GPAT3: variants seen among roughly 807,000 people sequenced by gnomAD.
The protein encoded by GPAT3 is 1-AGP acyltransferase 9.
GPAT3 carries 53 observed loss-of-function variants against 58.8 expected under a neutral mutation model. That is an observed-to-expected ratio of 0.90 (90% CI 0.72 to 1.13). The LOEUF is 1.13. Ranked by LOEUF, GPAT3 falls within the 50% of genes most tolerant of loss-of-function variation. The probability of loss-of-function intolerance (pLI) is 0.00; values close to 1 mark genes in which losing one functional copy is unlikely to be tolerated. For synonymous variants in GPAT3, 197 were observed against 187.4 expected (o/e 1.05, Z -0.42); for missense variants, 511 against 527.6 (o/e 0.97, Z 0.31).
intron 10 of GPAT3, 156 bp from the exon 11 acceptor site, chr4:83,598,488 T>C (rs1726932460): frequency 2.5e-6 from 2 of 787,506 alleles, no homozygotes; most frequent in Non-Finnish European, 4.2e-6. Flanking sequence ...ATTTTCTTTA[T>C]AGAACAAATG....
rs113323142 is a variant in GPAT3 at position 83,595,713 on chromosome 4, T to TAA, written c.854+764_854+765dup. On this transcript the variant is annotated intron_variant, in intron 7 of 11. Coordinates refer to ENST00000264409, the MANE Select transcript of GPAT3 (RefSeq NM_032717.5). ...TAGGCAACAGGGGGAGACCTTGTCT[T>TAA]AAAAAAAAAAAAGAAGATCCAGCTA... Among the ~76,000 whole-genome samples, 532 of 143,730 alleles carry TAA rather than the reference T, an allele frequency of 3.7e-3. 4 individuals carry two copies. Among genetic ancestry groups the TAA allele is most frequent in the African/African-American group, 0.013 (503 of 39,320 alleles). The allele number at this position is 143,730 out of a possible 152,430, so 94.3% of individuals were successfully genotyped here.
At chr4:83,592,482 C>T (rs139679473) in intron 6 of GPAT3, among the ~76,000 whole-genome samples, 2 of 152,154 alleles carry the variant, frequency 1.3e-5, no homozygotes, top group African/African-American at 4.8e-5. Context: ...AAGAAATCTA[C>T]TGTTTAATTG....
intron 1 of GPAT3, among the ~76,000 whole-genome samples, chr4:83,543,059 G>A (rs766786359): frequency 1.3e-5 from 2 of 152,264 alleles, no homozygotes; most frequent in Non-Finnish European, 1.5e-5. Context: ...CCAGCACTTT[G>A]GGAGGCTGAA....
At chr4:83,580,965 G>A (rs1038911447) in intron 2 of GPAT3, among the ~76,000 whole-genome samples, 5 of 151,808 alleles carry the variant, frequency 3.3e-5, no homozygotes, top group African/African-American at 7.2e-5. Flanking sequence ...CTGTGGTGGC[G>A]GGTGCCTGTA....
rs1727220153 is a variant in GPAT3, at chr4:83,605,476, ACCTAGTACCC to A, written c.*711_*720del. The A allele has an allele frequency of 6.6e-6, 1 of 152,276 alleles. No homozygotes were observed. The highest frequency in any genetic ancestry group is 1.5e-5 in the Non-Finnish European group (1 of 68,012). The allele number at this position is 152,276 out of a possible 1,614,324, so 9.4% of individuals were successfully genotyped here. A position where few individuals can be genotyped will look rare whatever the true frequency, so the allele number is the denominator to read the frequency against. Reference sequence around the variant, plus strand: ...CCTTGTTTGAATGCTGTAGATCTGTACCTAGTACCCCTCCCATCTACTGATTTGTTTGTTT... The same window carrying A: ...CCTTGTTTGAATGCTGTAGATCTGTACTCCCATCTACTGATTTGTTTGTTT... On this transcript the variant is annotated 3_prime_UTR_variant, in exon 12 of 12. Coordinates refer to ENST00000264409, the MANE Select transcript of GPAT3 (RefSeq NM_032717.5).
intron 1 of GPAT3, among the ~76,000 whole-genome samples, chr4:83,537,625 G>GTGTGTGTGTGTGTA (rs138199995): frequency 5.4e-5 from 8 of 147,694 alleles, no homozygotes; most frequent in African/African-American, 2.0e-4. Context: ...GTGTGTGTGT[G>GTGTGTGTGTGTGTA]TATATTTAAC....
At chr4:83,598,949 C>T (rs1262325809) in intron 11 of GPAT3, among the ~76,000 whole-genome samples, 5 of 151,170 alleles carry the variant, frequency 3.3e-5, no homozygotes, top group Admixed American at 1.3e-4. Context: ...GCCACTATGC[C>T]CAGCTATTTT....
chr4:83,585,974 A>T (rs935501177), intron 3 of GPAT3, among the ~76,000 whole-genome samples: 1 of 149,268 alleles, frequency 6.7e-6, no homozygotes, highest in Non-Finnish European at 1.5e-5. Flanking sequence ...TGAATTCTGG[A>T]GCCCTGGGTT....
At chr4:83,596,392 G>A (rs1177964569) in intron 7 of GPAT3, among the ~76,000 whole-genome samples, 1 of 152,134 alleles carries the variant, frequency 6.6e-6, no homozygotes, top group Admixed American at 6.5e-5. Flanking sequence ...AGGTTGAGGC[G>A]GGTGGATCGC....
chr4:83,583,938 C>G (rs1473342333), intron 3 of GPAT3, among the ~76,000 whole-genome samples: 2 of 151,982 alleles, frequency 1.3e-5, no homozygotes, highest in Admixed American at 1.3e-4. Context: ...GTATTCCAGC[C>G]TGGGTGACAG....
At chr4:83,590,549 T>G (rs1726557357) in intron 6 of GPAT3, among the ~76,000 whole-genome samples, 1 of 152,228 alleles carries the variant, frequency 6.6e-6, no homozygotes, top group Non-Finnish European at 1.5e-5. Context: ...AATAGGACCT[T>G]GTAAAGTTGA....
chr4:83,546,510 T>C (rs1724518082), intron 2 of GPAT3, among the ~76,000 whole-genome samples: 2 of 152,228 alleles, frequency 1.3e-5, no homozygotes, highest in South Asian at 2.1e-4. Flanking sequence ...TTTTCTATGG[T>C]GTCTCCAGGA....
At chr4:83,549,601 T>C (rs1724675871) in intron 2 of GPAT3, among the ~76,000 whole-genome samples, 1 of 150,292 alleles carries the variant, frequency 6.7e-6, no homozygotes, top group Non-Finnish European at 1.5e-5. Flanking sequence ...GGGGCAATCT[T>C]GGCTCACTGC....
At chr4:83,598,565 C>A in intron 10 of GPAT3, 79 bp from the exon 11 acceptor site, 1 of 1,169,484 alleles carries the variant, frequency 8.6e-7, no homozygotes, top group Non-Finnish European at 1.3e-6. Context: ...TATTTTAAAA[C>A]AAATACAAAT....
intron 3 of GPAT3, among the ~76,000 whole-genome samples, 162 bp from the exon 4 acceptor site, chr4:83,587,093 G>A (rs544922537): frequency 3.3e-5 from 5 of 152,128 alleles, no homozygotes; most frequent in Admixed American, 6.5e-5. Context: ...ACATTCTTCC[G>A]TGTTAGATCT....
At chr4:83,552,919 T>C (rs1212296153) in intron 2 of GPAT3, among the ~76,000 whole-genome samples, 2 of 152,124 alleles carry the variant, frequency 1.3e-5, no homozygotes, top group Non-Finnish European at 2.9e-5. Context: ...TCTAGCCCCT[T>C]CCATCATGTG....
intron 2 of GPAT3, among the ~76,000 whole-genome samples, chr4:83,552,266 G>A (rs1724783651): frequency 1.3e-5 from 2 of 152,302 alleles, no homozygotes; most frequent in South Asian, 4.1e-4. Context: ...CCTCTACCCA[G>A]TAGATGACAG....
At chr4:83,549,166 G>GAAA (rs36115990) in intron 2 of GPAT3, among the ~76,000 whole-genome samples, 47,453 of 127,182 alleles carry the variant, frequency 0.37, 8,407 homozygotes, top group Middle Eastern at 0.47. Flanking sequence ...AGACCCATCT[G>GAAA]AAAAAAAAAA....
chr4:83,542,378 TC>T lies in GPAT3; in HGVS notation c.142-2156del, dbSNP rs573187232. Among the ~76,000 whole-genome samples the T allele has an allele frequency of 5.1e-4, 78 of 152,336 alleles. 1 individual carries two copies. Among genetic ancestry groups the T allele is most frequent in the African/African-American group, 1.9e-3 (77 of 41,578 alleles). On this transcript the variant is annotated intron_variant, in intron 1 of 11. Transcript: ENST00000264409. Reference sequence around the variant, plus strand: ...AGAGTTTGAGAACTCCTGCACTAAATCCGCAAAAGATAACAGGATGCAATCA... The same window carrying T: ...AGAGTTTGAGAACTCCTGCACTAAATCGCAAAAGATAACAGGATGCAATCA...
Sources: allele counts gnomAD v4.1 joint callset (sites outside exome capture counted in the v4.1 genomes callset), GRCh38; gene constraint gnomAD v4.1.1; transcripts MANE v1.5; gene names NCBI Gene and HGNC (gene_info 2026-07-23, HGNC 2026-07-21).